Variants in CRIM1 observed in about 807,000 individuals in gnomAD.
CRIM1 encodes cysteine rich transmembrane BMP regulator 1.
A neutral mutation model predicts 116.4 loss-of-function variants in CRIM1; 32 were observed. The observed-to-expected ratio is 0.27, with a 90% CI of 0.21 to 0.37. The LOEUF is 0.37. Among genes scored for constraint, CRIM1 ranks in the 10% least tolerant of loss-of-function variants. The pLI, the probability that CRIM1 is intolerant of heterozygous loss-of-function variation, is 1.00. For missense variants in CRIM1, 1,331 were observed against 1,354.8 expected, an observed-to-expected ratio of 0.98 and a Z score of 0.28; for synonymous variants, 590 against 509.2, an observed-to-expected ratio of 1.16 and a Z score of -2.13.
At chr2:36,367,947 A>G (rs954354989) in intron 1 of CRIM1, among the ~76,000 whole-genome samples, 2 of 152,150 alleles carry the variant, frequency 1.3e-5, no homozygotes, top group East Asian at 3.9e-4. Context: ...TAGGTAGGTG[A>G]CAGAGACTGC....
In CRIM1 at chr2:36,548,595, C is replaced by G. The variant is rs1191620583; in HGVS notation, c.3005C>G (p.Ser1002Cys). ...GGAACCAGAGTCCAGGTGGACAGTT[C>G]CCAGAGAATGCTAAGAATTGCAGAA... ...KKGTRVQVDS[S>C]QRMLRIAEPD... Residue 1002 changes from serine to cysteine, a missense_variant, in exon 17 of 17, where the codon TCC (serine) becomes TGC (cysteine). Ser to Cys is a moderately radical substitution (Grantham distance 112). This residue lies in a region of CRIM1 where 283 missense variants were observed against 242.8 expected (regional missense o/e 1.17). Transcript: ENST00000280527. 1.2e-6 allele frequency: 2 copies of G among 1,612,526 alleles called. No individual in the cohort carries two copies. Among genetic ancestry groups the G allele is most frequent in the Non-Finnish European group, 1.7e-6 (2 of 1,179,342 alleles).
At chr2:36,458,558 G>T (rs1677324771) in intron 4 of CRIM1, among the ~76,000 whole-genome samples, 1 of 151,860 alleles carries the variant, frequency 6.6e-6, no homozygotes. Context: ...TCTTTAGTAG[G>T]GAAAAAAAAG....
At position 36,356,407 on chromosome 2, in the gene CRIM1, C is replaced by A. The variant is rs1457449601; in HGVS notation, c.115C>A (p.Pro39Thr). 3 of 1,608,620 alleles carry A rather than the reference C, an allele frequency of 1.9e-6. No individual in the cohort carries two copies. The East Asian group carries it at 6.7e-5, about 36-fold the overall frequency. The change falls in exon 1 of 17, where the codon CCC becomes ACC. Residue 39 changes from proline to threonine, a missense_variant. Transcript: ENST00000280527. The surrounding 1 kb of genome is among the most constrained non-coding windows in gnomAD (Gnocchi z 4.3). ...CGGCACCCGGGCGCTGGTCTGCCTGCCCTGTGACGAGTCCAAGTGCGAGGA... is the reference window on the plus strand; with the variant it reads ...CGGCACCCGGGCGCTGGTCTGCCTGACCTGTGACGAGTCCAAGTGCGAGGA... ...RSGTRALVCL[P>T]CDESKCEEPR...
chr2:36,376,602 A>G (rs1175796961), intron 1 of CRIM1, among the ~76,000 whole-genome samples: 1 of 152,094 alleles, frequency 6.6e-6, no homozygotes. Flanking sequence ...GCCAGGGGTA[A>G]ATGCTGGCTG....
At chr2:36,506,773 T>C (rs369614708) in intron 8 of CRIM1, among the ~76,000 whole-genome samples, 8 of 152,236 alleles carry the variant, frequency 5.3e-5, no homozygotes, top group African/African-American at 1.9e-4. Flanking sequence ...TTGCCTCAAG[T>C]GATGTACTAA....
At chr2:36,546,821 C>T (rs1206144474) in intron 15 of CRIM1, among the ~76,000 whole-genome samples, 163 bp from the exon 16 acceptor site, 1 of 134,056 alleles carries the variant, frequency 7.5e-6, no homozygotes, top group Non-Finnish European at 1.5e-5. Flanking sequence ...CTGCTCTCTA[C>T]TAAGAGCTCT....
intron 5 of CRIM1, among the ~76,000 whole-genome samples, chr2:36,468,789 C>T (rs1320768743): frequency 6.6e-6 from 1 of 152,142 alleles, no homozygotes; most frequent in Non-Finnish European, 1.5e-5. Context: ...ACCTCTCGTT[C>T]CTGGAGGCAT....
intron 2 of CRIM1, among the ~76,000 whole-genome samples, chr2:36,418,739 G>A (rs1673820483): frequency 6.6e-6 from 1 of 151,396 alleles, no homozygotes; most frequent in African/African-American, 2.4e-5. Flanking sequence ...CCGCTCTGTT[G>A]GCAGGGTCAG....
chr2:36,492,750 T>G (rs1680316884), intron 7 of CRIM1, among the ~76,000 whole-genome samples: 1 of 152,210 alleles, frequency 6.6e-6, no homozygotes, highest in Admixed American at 6.5e-5. Context: ...CTGATATATT[T>G]AGCCATTGAA....
intron 13 of CRIM1, among the ~76,000 whole-genome samples, chr2:36,534,924 T>C (rs1666430870): frequency 6.6e-6 from 1 of 152,132 alleles, no homozygotes; most frequent in South Asian, 2.1e-4. Flanking sequence ...ATGTAAAATA[T>C]AATCAGTGAT....
At position 36,512,413 on chromosome 2, in the gene CRIM1, C is replaced by A; in HGVS notation, c.1780+19C>A. 1 of 1,584,362 alleles carries A rather than the reference C, an allele frequency of 6.3e-7. No individual in the cohort carries two copies. Among genetic ancestry groups the A allele is most frequent in the Non-Finnish European group, 8.6e-7 (1 of 1,157,138 alleles). ...TGCAGAGGTAAGTGTGTACACATGG[C>A]CCTTCCCCCTCAAAGCAGCCAGGGG... is the stretch of plus-strand genomic sequence containing the variant. On this transcript the variant is annotated intron_variant, in intron 10 of 16. Transcript: ENST00000280527.
At chr2:36,533,189 A>AC (rs1572945448) in intron 13 of CRIM1, among the ~76,000 whole-genome samples, 1 of 152,202 alleles carries the variant, frequency 6.6e-6, no homozygotes, top group African/African-American at 2.4e-5. Context: ...TGGAATAGCT[A>AC]CCACATCTCC....
chr2:36,442,127 C>G (rs560763407), intron 3 of CRIM1, among the ~76,000 whole-genome samples: 1 of 152,180 alleles, frequency 6.6e-6, no homozygotes, highest in Non-Finnish European at 1.5e-5. Context: ...CATCCTTGCT[C>G]TTGTGGCAGC....
At chr2:36,379,705 T>A (rs1232406869) in intron 1 of CRIM1, among the ~76,000 whole-genome samples, 1 of 151,000 alleles carries the variant, frequency 6.6e-6, no homozygotes, top group African/African-American at 2.4e-5. Context: ...AGGAAGGAGG[T>A]CATAATTGGT....
chr2:36,380,304 G>A (rs192259680), intron 1 of CRIM1, among the ~76,000 whole-genome samples: 111 of 152,270 alleles, frequency 7.3e-4, no homozygotes, highest in Non-Finnish European at 1.3e-3. Context: ...TTGAGTTCCA[G>A]TGGAGTGGTA....
intron 4 of CRIM1, among the ~76,000 whole-genome samples, chr2:36,446,833 A>T (rs1676279033): frequency 6.6e-6 from 1 of 152,208 alleles, no homozygotes; most frequent in African/African-American, 2.4e-5. Context: ...AAAAAGGGAA[A>T]ATGGGACTGT....
At chr2:36,537,331 A>G (rs113304770) in intron 13 of CRIM1, 21 bp from the exon 14 acceptor site, 3 of 1,611,474 alleles carry the variant, frequency 1.9e-6, no homozygotes, top group African/African-American at 2.7e-5. Flanking sequence ...CGACTCCATC[A>G]TGTGCTGTTC....
chr2:36,513,894 T>A, intron 11 of CRIM1, 129 bp downstream of exon 11: 1 of 753,310 alleles, frequency 1.3e-6, no homozygotes, highest in Admixed American at 2.4e-5. Context: ...CACTGTGTGG[T>A]TTTTGTCAAC....
At chr2:36,477,168 G>C in intron 6 of CRIM1, 97 bp downstream of exon 6, 2 of 986,166 alleles carry the variant, frequency 2.0e-6, no homozygotes, top group Admixed American at 6.6e-5. Flanking sequence ...AAAAGTAAAG[G>C]AATATTGAAG....
Sources: allele counts gnomAD v4.1 joint callset (sites outside exome capture counted in the v4.1 genomes callset), GRCh38; gene constraint gnomAD v4.1.1; regional missense constraint gnomAD v4.1.1; non-coding constraint Gnocchi (gnomAD v3.1); transcripts MANE v1.5; gene names NCBI Gene and HGNC (gene_info 2026-07-23, HGNC 2026-07-21).